Variants in SAMD5 observed in about 807,000 individuals in gnomAD.
SAMD5 encodes sterile alpha motif domain-containing protein 5.
In SAMD5, 13 loss-of-function variants were observed where a neutral mutation model predicts 11.3. That is an observed-to-expected ratio of 1.15 (90% CI 0.75 to 1.83). The LOEUF (loss-of-function observed/expected upper bound fraction) is 1.83, where lower values mean the gene tolerates loss of function less well. Among genes scored for constraint, SAMD5 ranks in the 40% most tolerant of loss-of-function variants. The pLI, the probability that SAMD5 is intolerant of heterozygous loss-of-function variation, is 0.00. For synonymous variants in SAMD5, 129 were observed against 111.3 expected (o/e 1.16, Z -1.00); for missense variants, 255 against 239.1 (o/e 1.07, Z -0.44).
chr6:147,630,446 A>C (rs1363746033), intron 1 of SAMD5, among the ~76,000 whole-genome samples: 1 of 152,158 alleles, frequency 6.6e-6, no homozygotes, highest in Non-Finnish European at 1.5e-5. Flanking sequence ...ATCACAAAAT[A>C]AGTGAAAATG....
downstream of SAMD5, among the ~76,000 whole-genome samples, chr6:147,570,362 T>C (rs963532659): frequency 6.6e-6 from 1 of 151,876 alleles, no homozygotes; most frequent in Non-Finnish European, 1.5e-5. Flanking sequence ...GTGTGTGGAG[T>C]TTCTGTACAT....
At chr6:147,933,545 A>G in the SAMD5 span, among the ~76,000 whole-genome samples, 1 of 152,320 alleles carries the variant, frequency 6.6e-6, no homozygotes, top group Non-Finnish European at 1.5e-5. Flanking sequence ...AACCTCAGGC[A>G]AAGTATCTTC....
chr6:147,731,671 A>T (rs1029671357), intron 1 of SAMD5, among the ~76,000 whole-genome samples: 2 of 149,184 alleles, frequency 1.3e-5, no homozygotes, highest in African/African-American at 4.9e-5. Context: ...AAAAAAAAAA[A>T]TCCTGAATGC....
chr6:147,608,845 A>T (rs1244742238), intron 1 of SAMD5, among the ~76,000 whole-genome samples: 4 of 152,204 alleles, frequency 2.6e-5, no homozygotes, highest in East Asian at 3.9e-4. Flanking sequence ...GAGGGGATAG[A>T]GACCCCATTC....
chr6:147,581,025 T>C (rs1261236557), intron 1 of SAMD5, among the ~76,000 whole-genome samples: 1 of 152,160 alleles, frequency 6.6e-6, no homozygotes, highest in Non-Finnish European at 1.5e-5. Flanking sequence ...TTTTGTCTCT[T>C]TTTCTCTTTT....
At chr6:147,651,756 C>T (rs1056386439) in intron 1 of SAMD5, among the ~76,000 whole-genome samples, 3 of 152,202 alleles carry the variant, frequency 2.0e-5, no homozygotes. Context: ...GACTACTATT[C>T]AACTTTTACA....
At chr6:147,789,185 A>G in the SAMD5 span, among the ~76,000 whole-genome samples, 1 of 151,956 alleles carries the variant, frequency 6.6e-6, no homozygotes, top group Non-Finnish European at 1.5e-5. Context: ...AGGATTGCTT[A>G]AGCCCAAGGA....
intron 1 of SAMD5, among the ~76,000 whole-genome samples, chr6:147,682,129 T>C (rs1271417934): frequency 6.6e-6 from 1 of 152,188 alleles, no homozygotes; most frequent in Non-Finnish European, 1.5e-5. Context: ...CTCCTCCATT[T>C]ACAGTGGCAT....
At chr6:147,614,548 T>C (rs1487985448) in intron 1 of SAMD5, among the ~76,000 whole-genome samples, 2 of 150,714 alleles carry the variant, frequency 1.3e-5, no homozygotes, top group Admixed American at 1.3e-4. Context: ...AGAACTACAG[T>C]GTTGAGTAAA....
chr6:147,790,382 G>A, the SAMD5 span, among the ~76,000 whole-genome samples: 444 of 152,258 alleles, frequency 2.9e-3, 2 homozygotes, highest in Middle Eastern at 0.02. Context: ...AACCTCTCAC[G>A]TCTAAGTCCT....
At chr6:147,713,715 A>G (rs1310390824) in intron 1 of SAMD5, among the ~76,000 whole-genome samples, 1 of 152,154 alleles carries the variant, frequency 6.6e-6, no homozygotes, top group Admixed American at 6.5e-5. Flanking sequence ...AGCTGAACAG[A>G]ACTGTCACCC....
At chr6:147,792,935 A>G in the SAMD5 span, among the ~76,000 whole-genome samples, 3 of 152,210 alleles carry the variant, frequency 2.0e-5, no homozygotes, top group Non-Finnish European at 2.9e-5. Flanking sequence ...AAATGATTAA[A>G]TAAATGGAGA....
the SAMD5 span, among the ~76,000 whole-genome samples, chr6:147,766,162 AAGT>A: frequency 4.0e-5 from 6 of 151,858 alleles, no homozygotes; most frequent in Non-Finnish European, 5.9e-5. Context: ...ACCTTCTAAT[AAGT>A]AGGAAAAAAG....
the SAMD5 span, among the ~76,000 whole-genome samples, chr6:147,895,881 C>T: frequency 7.2e-5 from 11 of 152,254 alleles, no homozygotes; most frequent in African/African-American, 2.4e-4. Context: ...AAACTGGACC[C>T]GGAAATGTTG....
chr6:147,570,304 C>T (rs577475324), downstream of SAMD5, among the ~76,000 whole-genome samples: 34 of 152,098 alleles, frequency 2.2e-4, no homozygotes, highest in Admixed American at 7.9e-4. Context: ...GGTGGCTCAC[C>T]GCGGTGGGAG....
chr6:147,914,730 T>C, the SAMD5 span, among the ~76,000 whole-genome samples: 2 of 152,200 alleles, frequency 1.3e-5, no homozygotes, highest in Admixed American at 6.5e-5. Flanking sequence ...ACAGTAATTA[T>C]ATAGTGGAGT....
At chr6:147,575,128 AG>A (rs1163164038) in intron 1 of SAMD5, among the ~76,000 whole-genome samples, 2 of 152,254 alleles carry the variant, frequency 1.3e-5, no homozygotes, top group African/African-American at 4.8e-5. Flanking sequence ...AGCAAAGCTA[AG>A]TAAATGTAAG....
intron 1 of SAMD5, among the ~76,000 whole-genome samples, chr6:147,624,243 G>C (rs1333212866): frequency 6.6e-6 from 1 of 152,134 alleles, no homozygotes; most frequent in Admixed American, 6.5e-5. Context: ...TAACTTAACA[G>C]TGGAGTGTGC....
chr6:147,657,172 T>G (rs1790583166), intron 1 of SAMD5, among the ~76,000 whole-genome samples: 1 of 152,180 alleles, frequency 6.6e-6, no homozygotes, highest in Admixed American at 6.6e-5. Context: ...ACGTACTTTC[T>G]TATAGGTATG....
Sources: allele counts gnomAD v4.1 joint callset (sites outside exome capture counted in the v4.1 genomes callset), GRCh38; gene constraint gnomAD v4.1.1; transcripts MANE v1.5; gene names NCBI Gene and HGNC (gene_info 2026-07-23, HGNC 2026-07-21).